The following PCSK2 variants were observed in gnomAD, a reference collection of about 807,000 sequenced individuals.
PCSK2 encodes proprotein convertase subtilisin/kexin type 2.
A neutral mutation model predicts 69.7 loss-of-function variants in PCSK2; 14 were observed. The ratio of observed to expected loss-of-function variants is 0.20; its 90% CI spans 0.13 to 0.31. PCSK2 has a LOEUF of 0.31. Among genes scored for constraint, PCSK2 ranks in the 10% least tolerant of loss-of-function variants. PCSK2 has a pLI of 1.00. For missense variants in PCSK2, 544 were observed against 842.5 expected (o/e 0.65, Z 4.39); for synonymous variants, 307 against 320.7 (o/e 0.96, Z 0.46).
intron 2 of PCSK2, among the ~76,000 whole-genome samples, chr20:17,262,154 A>G (rs1032372308): frequency 2.0e-5 from 3 of 152,232 alleles, no homozygotes; most frequent in African/African-American, 7.2e-5. Flanking sequence ...AAAAGAAGAG[A>G]TCAGTCACTG....
chr20:17,468,201 G>A (rs137981817), intron 11 of PCSK2, among the ~76,000 whole-genome samples: 6 of 151,424 alleles, frequency 4.0e-5, no homozygotes, highest in African/African-American at 1.5e-4. Context: ...TCCTGCCGTA[G>A]ACGAGCAGCC....
rs952793623 is a variant in PCSK2 at position 17,349,081 on chromosome 20, G to A, written c.283-9246G>A. Among the ~76,000 whole-genome samples the A allele has an allele frequency of 2.6e-5, 4 of 152,256 alleles. 1 individual carries two copies. In the South Asian group the frequency reaches 6.2e-4, roughly 24 times the overall value. ...ATGAGTACTCAGGGCACTGCCCAGC[G>A]CAACAGTCAGCCCTCAGTAAGTGTC... On this transcript the variant is annotated intron_variant, in intron 2 of 11. Coordinates refer to ENST00000262545, the MANE Select transcript of PCSK2 (RefSeq NM_002594.5).
At chr20:17,278,576 G>A (rs760147502) in intron 2 of PCSK2, among the ~76,000 whole-genome samples, 53 of 152,098 alleles carry the variant, frequency 3.5e-4, no homozygotes, top group Non-Finnish European at 5.0e-4. Flanking sequence ...GTTGTGGGGT[G>A]GGAGGAGAGG....
chr20:17,411,874 C>A (rs1292539446), intron 6 of PCSK2, among the ~76,000 whole-genome samples: 1 of 152,222 alleles, frequency 6.6e-6, no homozygotes, highest in African/African-American at 2.4e-5. Flanking sequence ...TCTGCAGCCT[C>A]TGCTGGTGAT....
intron 8 of PCSK2, among the ~76,000 whole-genome samples, chr20:17,445,829 C>A (rs911227221): frequency 6.6e-6 from 1 of 152,362 alleles, no homozygotes; most frequent in Non-Finnish European, 1.5e-5. Context: ...ATCTGCAGTT[C>A]AGCCTTGGAA....
intron 10 of PCSK2, among the ~76,000 whole-genome samples, chr20:17,458,712 T>TC (rs1568658964): frequency 6.6e-6 from 1 of 152,032 alleles, no homozygotes; most frequent in Admixed American, 6.5e-5. Context: ...GAACAACACT[T>TC]CCCCCATCAT....
chr20:17,409,172 G>A (rs750368907), intron 5 of PCSK2, 91 bp from the exon 6 acceptor site: 13 of 941,786 alleles, frequency 1.4e-5, no homozygotes, highest in Non-Finnish European at 2.1e-5. Flanking sequence ...AGCACTCCAG[G>A]GAGGACTAGA....
intron 11 of PCSK2, among the ~76,000 whole-genome samples, chr20:17,467,714 C>G (rs1435627297): frequency 6.6e-6 from 1 of 152,112 alleles, no homozygotes; most frequent in Non-Finnish European, 1.5e-5. Flanking sequence ...ATTTTTTTCT[C>G]TTTCCTCACC....
chr20:17,442,299 C>T (rs1309794806), intron 8 of PCSK2, among the ~76,000 whole-genome samples: 4 of 151,532 alleles, frequency 2.6e-5, no homozygotes, highest in Admixed American at 6.6e-5. Flanking sequence ...CTGACACTTC[C>T]GTCTCCAGGA....
chr20:17,476,198 T>C (rs726256), intron 11 of PCSK2, among the ~76,000 whole-genome samples: 82,158 of 152,050 alleles, frequency 0.54, 22,150 homozygotes, highest in South Asian at 0.59. Context: ...TCCTAGAGCC[T>C]GTGAGCCGGG....
intron 6 of PCSK2, among the ~76,000 whole-genome samples, chr20:17,415,288 A>G (rs142223984): frequency 0.01 from 1,550 of 152,298 alleles, 30 homozygotes; most frequent in African/African-American, 0.035. Flanking sequence ...AGAAAACCCC[A>G]TCGTCTCAGC....
intron 8 of PCSK2, among the ~76,000 whole-genome samples, chr20:17,437,312 A>G (rs2032504837): frequency 1.3e-5 from 2 of 152,220 alleles, no homozygotes; most frequent in Admixed American, 1.3e-4. Context: ...AGCCAAGACT[A>G]TGACCACAAT....
chr20:17,479,450 T>G, intron 11 of PCSK2: 3 of 557,648 alleles, frequency 5.4e-6, no homozygotes, highest in Non-Finnish European at 1.0e-5. Context: ...CTGTTCTCCC[T>G]GGGGGCGGAG....
At chr20:17,458,103 T>C (rs1487842356) in intron 10 of PCSK2, among the ~76,000 whole-genome samples, 1 of 152,206 alleles carries the variant, frequency 6.6e-6, no homozygotes, top group Non-Finnish European at 1.5e-5. Flanking sequence ...ATGAACTTAA[T>C]ATTCTCTGCT....
chr20:17,462,504 G>T (rs1476094524), intron 10 of PCSK2, among the ~76,000 whole-genome samples: 1 of 152,208 alleles, frequency 6.6e-6, no homozygotes, highest in Non-Finnish European at 1.5e-5. Context: ...CTCCTGACTA[G>T]GATAACACAG....
At chr20:17,308,447 GC>G (rs1989400166) in intron 2 of PCSK2, among the ~76,000 whole-genome samples, 1 of 152,170 alleles carries the variant, frequency 6.6e-6, no homozygotes, top group African/African-American at 2.4e-5. Context: ...AACTAAACAT[GC>G]AAAGATCTGA....
intron 6 of PCSK2, among the ~76,000 whole-genome samples, chr20:17,424,951 AT>A (rs960884298): frequency 6.6e-6 from 1 of 151,298 alleles, no homozygotes; most frequent in South Asian, 2.1e-4. Flanking sequence ...TACCTGGCTA[AT>A]TTTTTTGTGT....
intron 2 of PCSK2, among the ~76,000 whole-genome samples, chr20:17,346,905 G>A (rs1161927566): frequency 6.6e-6 from 1 of 151,992 alleles, no homozygotes; most frequent in Non-Finnish European, 1.5e-5. Flanking sequence ...TGGCTGCCTT[G>A]GCACCTCGCT....
intron 5 of PCSK2, among the ~76,000 whole-genome samples, chr20:17,403,767 C>T (rs1222656689): frequency 1.3e-5 from 2 of 152,222 alleles, no homozygotes; most frequent in Non-Finnish European, 1.5e-5. Flanking sequence ...CCACGTTGTA[C>T]TCGTGATCAT....
Sources: gnomAD v4.1 joint callset for allele counts (sites outside exome capture counted in the v4.1 genomes callset) on GRCh38, gnomAD v4.1.1 for gene constraint, MANE v1.5 for transcripts, NCBI Gene and HGNC (gene_info 2026-07-23, HGNC 2026-07-21) for gene names.